The following VTCN1 variants were observed in gnomAD, a reference collection of about 807,000 sequenced individuals.
VTCN1 encodes V-set domain containing T cell activation inhibitor 1.
A neutral mutation model predicts 26.5 loss-of-function variants in VTCN1; 26 were observed. The ratio of observed to expected loss-of-function variants is 0.98; its 90% CI spans 0.72 to 1.36. The LOEUF (loss-of-function observed/expected upper bound fraction) is 1.36, where lower values mean the gene tolerates loss of function less well. VTCN1 is among the 40% of genes most tolerant of loss of function. The pLI is 0.00. For synonymous variants in VTCN1, 116 were observed against 130.7 expected (o/e 0.89, Z 0.77); for missense variants, 298 against 337.7 (o/e 0.88, Z 0.92).
chr1:117,198,515 C>T (rs371284506), intron 1 of VTCN1, among the ~76,000 whole-genome samples: 3 of 152,308 alleles, frequency 2.0e-5, no homozygotes, highest in East Asian at 3.9e-4. Flanking sequence ...AGACATTTGG[C>T]TCCAGTGGCT....
chr1:117,188,021 T>C (rs1341171941), intron 1 of VTCN1, among the ~76,000 whole-genome samples: 1 of 152,124 alleles, frequency 6.6e-6, no homozygotes, highest in Non-Finnish European at 1.5e-5. Context: ...TAGGAAAAGA[T>C]TTGGGAAGAT....
At chr1:117,208,843 G>C (rs1309667979) in intron 1 of VTCN1, among the ~76,000 whole-genome samples, 4 of 152,180 alleles carry the variant, frequency 2.6e-5, no homozygotes, top group Non-Finnish European at 4.4e-5. Flanking sequence ...ATACTTAGGA[G>C]AATAACTCAC....
intron 1 of VTCN1, 47 bp from the exon 2 acceptor site, chr1:117,170,218 T>A: frequency 6.4e-7 from 1 of 1,570,656 alleles, no homozygotes; most frequent in Non-Finnish European, 8.7e-7. Context: ...CCATTCCTCT[T>A]GATGTGCTGC....
intron 1 of VTCN1, among the ~76,000 whole-genome samples, chr1:117,205,882 G>A (rs1348828629): frequency 6.6e-6 from 1 of 151,956 alleles, no homozygotes; most frequent in Non-Finnish European, 1.5e-5. Context: ...GGTCATAGTC[G>A]CATCGCTCCA....
chr1:117,177,961 G>A lies in VTCN1; in HGVS notation c.33-7790C>T, dbSNP rs186592160. 7.0e-3 allele frequency among the ~76,000 whole-genome samples: 1,026 copies of A among 147,040 alleles called. 4 individuals carry two copies. The highest frequency in any genetic ancestry group is 0.01 in the South Asian group (48 of 4,608). On this transcript the variant is annotated intron_variant, in intron 1 of 5. Transcript: ENST00000369458. ...TTTGGCGGGGTAGGTTGGGGGTGGC[G>A]ACAGCCTCATTTTGTTGCCCATGCT...
intron 1 of VTCN1, among the ~76,000 whole-genome samples, chr1:117,206,071 CT>C (rs1210313460): frequency 2.0e-5 from 3 of 152,030 alleles, no homozygotes; most frequent in African/African-American, 7.3e-5. Context: ...AGTCTAAATC[CT>C]AGCATCCTCA....
intron 1 of VTCN1, among the ~76,000 whole-genome samples, chr1:117,172,862 A>G (rs887190854): frequency 1.3e-5 from 2 of 152,120 alleles, no homozygotes; most frequent in African/African-American, 4.8e-5. Flanking sequence ...TTGTAAACGC[A>G]CGGATCAGCA....
At chr1:117,206,431 A>G (rs1374684080) in intron 1 of VTCN1, among the ~76,000 whole-genome samples, 1 of 152,228 alleles carries the variant, frequency 6.6e-6, no homozygotes, top group African/African-American at 2.4e-5. Flanking sequence ...TGCCAGGAAC[A>G]TAATTATTAC....
intron 4 of VTCN1, among the ~76,000 whole-genome samples, chr1:117,150,907 T>C (rs1557859226): frequency 6.6e-6 from 1 of 152,242 alleles, no homozygotes; most frequent in Non-Finnish European, 1.5e-5. Context: ...ACATAGATAA[T>C]GTCCTGAAAG....
rs772511211 is a variant in VTCN1 at position 117,155,358 on chromosome 1, T to C, written c.445+1216A>G. 6.6e-6 allele frequency among the ~76,000 whole-genome samples: 1 copy of C among 152,178 alleles called. No individual in the cohort carries two copies. The highest frequency in any genetic ancestry group is 1.5e-5 in the Non-Finnish European group (1 of 68,024). On this transcript the variant is annotated intron_variant, in intron 3 of 5. Coordinates refer to ENST00000369458, the MANE Select transcript of VTCN1 (RefSeq NM_024626.4). This position sits in a 1 kb window ranked among gnomAD's most constrained non-coding sequence, Gnocchi z 4.8. The stretch of plus-strand genomic sequence containing the variant: ...TAAGTCCAATATACCCTGAGTGGGA[T>C]AGGGAAGGTTTCAAGCTCCACTTTT...
intron 1 of VTCN1, among the ~76,000 whole-genome samples, chr1:117,195,428 T>C (rs1648460533): frequency 6.6e-6 from 1 of 152,086 alleles, no homozygotes; most frequent in Admixed American, 6.6e-5. Context: ...TTTCACAATG[T>C]ATATGTACAT....
chr1:117,194,904 A>G (rs1648432563), intron 1 of VTCN1, among the ~76,000 whole-genome samples: 2 of 152,166 alleles, frequency 1.3e-5, no homozygotes, highest in Non-Finnish European at 2.9e-5. Flanking sequence ...CAAAGGGTAC[A>G]AATTTTCAGG....
At chr1:117,150,344 AAG>A (rs1651723532) in intron 4 of VTCN1, among the ~76,000 whole-genome samples, 1 of 152,232 alleles carries the variant, frequency 6.6e-6, no homozygotes, top group South Asian at 2.1e-4. Flanking sequence ...CAAGAGAGTA[AAG>A]AGAGAATTAA....
chr1:117,197,970 T>G lies in VTCN1; in HGVS notation c.32+12854A>C, dbSNP rs536953624. Among the ~76,000 whole-genome samples the G allele has an allele frequency of 5.9e-5, 9 of 152,308 alleles. No individual in the cohort carries two copies. In the East Asian group the frequency reaches 1.7e-3, roughly 29 times the overall value. On this transcript the variant is annotated intron_variant, in intron 1 of 5. Coordinates refer to ENST00000369458, the MANE Select transcript of VTCN1 (RefSeq NM_024626.4). ...ATGCCTGCTGGTAACTGGGTGTTTG[T>G]ACCAATGCCCCTGAAAGTCCAAGAA... is the stretch of plus-strand genomic sequence containing the variant.
In VTCN1 at chr1:117,156,592, G is replaced by T; in HGVS notation, c.427C>A (p.Leu143Ile). ...AACTCACCTCCAGTTTTATACTCAA[G>T]GTTAGCATTCCCCTTGCCTTTAGAA... The part of the protein sequence containing the change: ...ITSKGKGNAN[L>I]EYKTGAFSMP... Residue 143 changes from leucine to isoleucine, a missense_variant, in exon 3 of 6, where the codon CTT becomes ATT. By Grantham distance (5) the Leu-to-Ile change is conservative. Coordinates refer to ENST00000369458, the MANE Select transcript of VTCN1 (RefSeq NM_024626.4). 6.3e-7 allele frequency: 1 copy of T among 1,595,210 alleles called. No individual in the cohort carries two copies. The highest frequency in any genetic ancestry group is 8.5e-7 in the Non-Finnish European group (1 of 1,170,576).
At chr1:117,209,762 C>T (rs2101616397) in intron 1 of VTCN1, among the ~76,000 whole-genome samples, 1 of 152,326 alleles carries the variant, frequency 6.6e-6, no homozygotes, top group East Asian at 1.9e-4. Flanking sequence ...GAGTCCTTCA[C>T]CTCTGCTACC....
At chr1:117,171,474 C>G (rs555337985) in intron 1 of VTCN1, among the ~76,000 whole-genome samples, 22 of 152,314 alleles carry the variant, frequency 1.4e-4, no homozygotes, top group African/African-American at 3.1e-4. Flanking sequence ...CTACCAACAG[C>G]GTAAAAGCGT....
chr1:117,199,922 C>A (rs1424868418), intron 1 of VTCN1, among the ~76,000 whole-genome samples: 1 of 152,158 alleles, frequency 6.6e-6, no homozygotes, highest in Admixed American at 6.6e-5. Context: ...GTTTGAGCCA[C>A]CACGCCCAGC....
intron 1 of VTCN1, among the ~76,000 whole-genome samples, chr1:117,173,810 G>A (rs544696806): frequency 1.3e-5 from 2 of 152,226 alleles, no homozygotes; most frequent in Non-Finnish European, 2.9e-5. Context: ...AGATACCTGG[G>A]CCCTTGCCAA....
Sources: gnomAD v4.1 joint callset for allele counts (sites outside exome capture counted in the v4.1 genomes callset) on GRCh38, gnomAD v4.1.1 for gene constraint, Gnocchi (gnomAD v3.1) non-coding constraint, MANE v1.5 for transcripts, NCBI Gene and HGNC (gene_info 2026-07-23, HGNC 2026-07-21) for gene names.